CDK5RAP2: variants seen among roughly 807,000 people sequenced by gnomAD.
The protein encoded by CDK5RAP2 is CDK5 regulatory subunit associated protein 2, also known as CDK5 regulatory subunit-associated protein 2.
CDK5RAP2 carries 147 observed loss-of-function variants against 232.9 expected under a neutral mutation model. The observed-to-expected ratio is 0.63, with a 90% CI of 0.55 to 0.72. The LOEUF (loss-of-function observed/expected upper bound fraction) is 0.72. CDK5RAP2 is among the 30% of genes least tolerant of loss of function. The pLI, the probability that CDK5RAP2 is intolerant of heterozygous loss-of-function variation, is 0.00. For synonymous variants in CDK5RAP2, 833 were observed against 833.7 expected, an observed-to-expected ratio of 1.00 and a Z score of 0.01; for missense variants, 2,195 against 2,231.5, an observed-to-expected ratio of 0.98 and a Z score of 0.33.
At chr9:120,536,220 TCTAA>T in intron 7 of CDK5RAP2, 148 bp downstream of exon 7, 1 of 746,602 alleles carries the variant, frequency 1.3e-6, no homozygotes, top group African/African-American at 1.7e-5. Flanking sequence ...TAGTTTTCTA[TCTAA>T]CTGTGTTGGA....
intron 31 of CDK5RAP2, chr9:120,408,047 T>C (rs575232306): frequency 3.3e-5 from 14 of 425,942 alleles, no homozygotes; most frequent in South Asian, 3.0e-4. Flanking sequence ...GAGACATGTT[T>C]TACAGAGATA....
chr9:120,501,270 C>T (rs2039562930), intron 12 of CDK5RAP2, among the ~76,000 whole-genome samples: 1 of 152,172 alleles, frequency 6.6e-6, no homozygotes, highest in Admixed American at 6.5e-5. Flanking sequence ...CAGGTTGCTC[C>T]CTTACTTTCT....
At chr9:120,413,099 C>T (rs1217006550) in intron 28 of CDK5RAP2, among the ~76,000 whole-genome samples, 1 of 152,142 alleles carries the variant, frequency 6.6e-6, no homozygotes, top group Admixed American at 6.5e-5. Context: ...CAAAATAGCA[C>T]CAAAAAGTAA....
intron 18 of CDK5RAP2, 125 bp from the exon 19 acceptor site, chr9:120,460,792 A>T: frequency 6.8e-7 from 1 of 1,480,994 alleles, no homozygotes; most frequent in Non-Finnish European, 9.2e-7. Flanking sequence ...AAAAAGAGGA[A>T]GAAACAAATG....
At chr9:120,534,101 C>A (rs1352346275) in intron 7 of CDK5RAP2, among the ~76,000 whole-genome samples, 1 of 152,154 alleles carries the variant, frequency 6.6e-6, no homozygotes, top group African/African-American at 2.4e-5. Flanking sequence ...TTCCCTGAAG[C>A]CCCACCTTTA....
chr9:120,494,009 T>C (rs2046554190), intron 12 of CDK5RAP2, among the ~76,000 whole-genome samples: 1 of 151,514 alleles, frequency 6.6e-6, no homozygotes, highest in African/African-American at 2.4e-5. Context: ...GGAGAATCAC[T>C]TGAATCCGAG....
intron 35 of CDK5RAP2, among the ~76,000 whole-genome samples, chr9:120,398,960 G>T (rs1251961203): frequency 6.6e-6 from 1 of 152,218 alleles, no homozygotes; most frequent in Non-Finnish European, 1.5e-5. Flanking sequence ...CAAAGGCACT[G>T]TATGAAACAC....
intron 12 of CDK5RAP2, among the ~76,000 whole-genome samples, chr9:120,508,431 G>T (rs1265209711): frequency 1.3e-5 from 2 of 152,086 alleles, no homozygotes; most frequent in African/African-American, 4.8e-5. Context: ...TTCATATGCT[G>T]GGGGAAAAAA....
chr9:120,493,282 G>A (rs2038995479), intron 12 of CDK5RAP2, among the ~76,000 whole-genome samples: 1 of 152,180 alleles, frequency 6.6e-6, no homozygotes, highest in Admixed American at 6.5e-5. Context: ...TAATAGATTT[G>A]TATTGTTAAG....
chr9:120,539,478 T>C (rs1259161524), intron 5 of CDK5RAP2, among the ~76,000 whole-genome samples: 1 of 152,214 alleles, frequency 6.6e-6, no homozygotes, highest in East Asian at 1.9e-4. Context: ...GAACATTCTT[T>C]TGTGTCAATA....
Position 120,422,739 on chromosome 9 carries a change from T to C in CDK5RAP2, c.3958A>G (p.Lys1320Glu). The C allele has an allele frequency of 6.2e-7, 1 of 1,611,986 alleles. No individual in the cohort carries two copies. Among genetic ancestry groups the C allele is most frequent in the Non-Finnish European group, 8.5e-7 (1 of 1,178,102 alleles). ...GTGTTCATTTCCACTCCAACTGATTTTCCTGGAAGCAGAAATAACATCAAG... is the reference window on the plus strand; with the variant it reads ...GTGTTCATTTCCACTCCAACTGATTCTCCTGGAAGCAGAAATAACATCAAG... ...EKLEKLFLNG[K>E]SVGVEMNTQN... is the part of the protein sequence containing the mutation. Residue 1320 changes from lysine to glutamate, a missense_variant and splice_region_variant, in exon 26 of 38, where the codon AAA becomes GAA. Lys to Glu is a moderately conservative substitution (Grantham distance 56). Coordinates refer to ENST00000349780, the MANE Select transcript of CDK5RAP2 (RefSeq NM_018249.6).
intron 2 of CDK5RAP2, among the ~76,000 whole-genome samples, chr9:120,569,499 GA>G (rs35186649): frequency 0.66 from 99,728 of 152,040 alleles, 33,316 homozygotes; most frequent in Non-Finnish European, 0.72. Flanking sequence ...CAGACTTGAA[GA>G]GAAAGGACCA....
intron 28 of CDK5RAP2, among the ~76,000 whole-genome samples, chr9:120,413,946 T>C (rs564787405): frequency 6.6e-6 from 1 of 152,262 alleles, no homozygotes; most frequent in South Asian, 2.1e-4. Context: ...CTGGTAGCTA[T>C]GATGGCTAGA....
intron 13 of CDK5RAP2, 150 bp downstream of exon 13, chr9:120,491,157 G>T: frequency 1.5e-6 from 1 of 662,512 alleles, no homozygotes; most frequent in Non-Finnish European, 2.6e-6. Flanking sequence ...CTCCCTGGTG[G>T]CTGAAGCCCA....
intron 5 of CDK5RAP2, among the ~76,000 whole-genome samples, chr9:120,539,655 A>G (rs1393334632): frequency 6.6e-6 from 1 of 152,238 alleles, no homozygotes; most frequent in Admixed American, 6.5e-5. Flanking sequence ...GCCTGGTACA[A>G]AGTAAGTATT....
intron 3 of CDK5RAP2, among the ~76,000 whole-genome samples, chr9:120,558,371 CAAAAAAAAAA>C (rs60669308): frequency 3.7e-4 from 15 of 40,074 alleles, no homozygotes; most frequent in South Asian, 1.6e-3. Flanking sequence ...GACTCCGTCT[CAAAAAAAAAA>C]AAAAAAAAAA....
chr9:120,497,421 TAAAAA>T (rs71385064), intron 12 of CDK5RAP2, among the ~76,000 whole-genome samples: 2,975 of 22,970 alleles, frequency 0.13, 12 homozygotes, highest in Non-Finnish European at 0.14. Context: ...AAAATAAATT[TAAAAA>T]AAAAAAAAAA....
Position 120,403,311 on chromosome 9 carries a change from C to CTTA in CDK5RAP2, c.5042-241_5042-240insTAA, listed in dbSNP as rs2131276336. On this transcript the variant is annotated intron_variant, in intron 33 of 37. Transcript: ENST00000349780. The surrounding 1 kb of genome is among the most constrained non-coding windows in gnomAD (Gnocchi z 4.2). Reference sequence around the variant, plus strand: ...CAACTCAACCAACACTTATCAACCACCCACTCGGCAGAAGACCCCAGATTC... The same window carrying CTTA: ...CAACTCAACCAACACTTATCAACCACTTACCACTCGGCAGAAGACCCCAGATTC... 5.7e-6 allele frequency: 3 copies of CTTA among 527,696 alleles called. No individual in the cohort carries two copies. The East Asian group carries it at 1.0e-4, about 18-fold the overall frequency. 32.7% of individuals were successfully genotyped at this position (527,696 alleles called of 1,614,324 possible).
intron 28 of CDK5RAP2, among the ~76,000 whole-genome samples, chr9:120,412,792 C>T (rs563584777): frequency 3.3e-5 from 5 of 152,188 alleles, no homozygotes; most frequent in Non-Finnish European, 5.9e-5. Flanking sequence ...ATCAGTTCTC[C>T]AAGGAGCTGA....
Sources: allele counts gnomAD v4.1 joint callset (sites outside exome capture counted in the v4.1 genomes callset), GRCh38; gene constraint gnomAD v4.1.1; non-coding constraint Gnocchi (gnomAD v3.1); transcripts MANE v1.5; gene names NCBI Gene and HGNC (gene_info 2026-07-23, HGNC 2026-07-21).